Variants in LRRC37A2 observed in about 807,000 individuals in gnomAD.
The protein encoded by LRRC37A2 is leucine-rich repeat-containing protein 37A2.
In LRRC37A2, 9 loss-of-function variants were observed where a neutral mutation model predicts 68.8. The observed-to-expected ratio is 0.13, with a 90% confidence interval of 0.08 to 0.23. The LOEUF (loss-of-function observed/expected upper bound fraction) is 0.23, where lower values mean the gene tolerates loss of function less well. Among genes scored for constraint, LRRC37A2 ranks in the 10% least tolerant of loss-of-function variants. The pLI, the probability that LRRC37A2 is intolerant of heterozygous loss-of-function variation, is 1.00. For synonymous variants in LRRC37A2, 63 were observed against 367.6 expected (o/e 0.17, Z 9.48); for missense variants, 168 against 950.4 (o/e 0.18, Z 10.82).
At chr17:46,494,526 G>T in the LRRC37A2 span, among the ~76,000 whole-genome samples, 9 of 150,068 alleles carry the variant, frequency 6.0e-5, no homozygotes, top group Non-Finnish European at 1.2e-4. Flanking sequence ...ACTGCAGTTT[G>T]AATTTCACAT....
chr17:46,678,971 G>C, the LRRC37A2 span, among the ~76,000 whole-genome samples: 30 of 150,728 alleles, frequency 2.0e-4, no homozygotes, highest in East Asian at 5.1e-3. Flanking sequence ...ATAGCCTACA[G>C]CTATATACAG....
the LRRC37A2 span, among the ~76,000 whole-genome samples, chr17:46,960,319 A>G: frequency 6.6e-6 from 1 of 152,372 alleles, no homozygotes; most frequent in South Asian, 2.1e-4. Flanking sequence ...CTTGGCATAC[A>G]TACAAACAAA....
the LRRC37A2 span, among the ~76,000 whole-genome samples, chr17:47,006,254 G>A: frequency 5.3e-5 from 8 of 152,092 alleles, no homozygotes; most frequent in Admixed American, 5.2e-4. Context: ...CTTCGAGCTG[G>A]CAAGAGGAGC....
the LRRC37A2 span, among the ~76,000 whole-genome samples, chr17:46,585,110 C>G: frequency 2.9e-5 from 3 of 102,230 alleles, no homozygotes; most frequent in South Asian, 1.3e-3. Context: ...CGAGAGCTGT[C>G]TGGCCATCAT....
chr17:47,048,010 T>C, the LRRC37A2 span, among the ~76,000 whole-genome samples: 3 of 151,216 alleles, frequency 2.0e-5, no homozygotes, highest in Admixed American at 6.6e-5. Context: ...TTAATAATGC[T>C]TGGTTACATA....
At chr17:46,743,653 C>T in the LRRC37A2 span, among the ~76,000 whole-genome samples, 1 of 152,162 alleles carries the variant, frequency 6.6e-6, no homozygotes. Flanking sequence ...ATGCATAAGA[C>T]ACTGGTTAAA....
At chr17:46,710,694 C>G in the LRRC37A2 span, among the ~76,000 whole-genome samples, 1 of 152,136 alleles carries the variant, frequency 6.6e-6, no homozygotes, top group Non-Finnish European at 1.5e-5. Context: ...TATTCTTTCT[C>G]TCAGGAATTA....
the LRRC37A2 span, among the ~76,000 whole-genome samples, chr17:46,904,841 T>G: frequency 6.6e-6 from 1 of 152,152 alleles, no homozygotes; most frequent in African/African-American, 2.4e-5. Context: ...AGAAACAGTG[T>G]CCTTGCCTGG....
At chr17:46,782,034 A>C in the LRRC37A2 span, among the ~76,000 whole-genome samples, 2 of 152,202 alleles carry the variant, frequency 1.3e-5, no homozygotes, top group Admixed American at 1.3e-4. Context: ...ACCTGGCTTC[A>C]CATGGGTGGA....
At chr17:46,764,853 G>A in the LRRC37A2 span, among the ~76,000 whole-genome samples, 78 of 152,294 alleles carry the variant, frequency 5.1e-4, no homozygotes, top group Middle Eastern at 6.8e-3. Context: ...GAATGGGATC[G>A]AAATTCTACC....
At chr17:46,969,125 GCTCTGGCTCCCCTCCA>G in the LRRC37A2 span, among the ~76,000 whole-genome samples, 4 of 152,166 alleles carry the variant, frequency 2.6e-5, 1 homozygote, top group South Asian at 6.2e-4. Flanking sequence ...AGCCGATCTC[GCTCTGGCTCCCCTCCA>G]CTCTGGCTCC....
chr17:47,011,257 T>C, the LRRC37A2 span, among the ~76,000 whole-genome samples: 2 of 152,158 alleles, frequency 1.3e-5, no homozygotes, highest in African/African-American at 4.8e-5. Flanking sequence ...ATCAAAAGTA[T>C]ATTTTTTCCA....
chr17:46,862,488 G>A, the LRRC37A2 span, among the ~76,000 whole-genome samples: 1 of 152,162 alleles, frequency 6.6e-6, no homozygotes, highest in Non-Finnish European at 1.5e-5. Context: ...TGAGTTTCCT[G>A]GAATTTGGAA....
the LRRC37A2 span, chr17:46,749,780 A>G: frequency 6.2e-7 from 1 of 1,613,518 alleles, no homozygotes; most frequent in Non-Finnish European, 8.5e-7. Context: ...CAGGGCCGCA[A>G]GCTTCTTATC....
chr17:46,942,918 C>G, the LRRC37A2 span, among the ~76,000 whole-genome samples: 1 of 152,194 alleles, frequency 6.6e-6, no homozygotes, highest in African/African-American at 2.4e-5. Flanking sequence ...CCTCTGTGAG[C>G]CATCCCTCCC....
the LRRC37A2 span, among the ~76,000 whole-genome samples, chr17:46,832,406 G>GA: frequency 4.3e-5 from 6 of 140,728 alleles, no homozygotes; most frequent in Non-Finnish European, 7.8e-5. Flanking sequence ...AGAGAGAGGG[G>GA]GGTGGTGGAG....
chr17:46,935,763 C>T, the LRRC37A2 span: 2 of 987,164 alleles, frequency 2.0e-6, no homozygotes, highest in Non-Finnish European at 2.4e-6. Flanking sequence ...CCAGTTGGCA[C>T]TGCTGAGACT....
chr17:46,986,246 G>A, the LRRC37A2 span, among the ~76,000 whole-genome samples: 2 of 152,040 alleles, frequency 1.3e-5, no homozygotes, highest in African/African-American at 2.4e-5. Context: ...GAAGTGCCCC[G>A]AAGCCTCCCC....
the LRRC37A2 span, among the ~76,000 whole-genome samples, chr17:46,944,817 C>G: frequency 6.6e-6 from 1 of 152,072 alleles, no homozygotes; most frequent in Admixed American, 6.5e-5. Flanking sequence ...GCAGGCTGGT[C>G]TCGAACTCCT....
Sources: allele counts gnomAD v4.1 joint callset (sites outside exome capture counted in the v4.1 genomes callset), GRCh38; gene constraint gnomAD v4.1.1; transcripts MANE v1.5; gene names NCBI Gene and HGNC (gene_info 2026-07-23, HGNC 2026-07-21).